GLIS3: variants seen among roughly 807,000 people sequenced by gnomAD.
The protein encoded by GLIS3 is GLIS family zinc finger 3.
GLIS3 carries 53 observed loss-of-function variants against 78.6 expected under a neutral mutation model. The ratio of observed to expected loss-of-function variants is 0.67; its 90% CI spans 0.54 to 0.85. The LOEUF (loss-of-function observed/expected upper bound fraction) is 0.85. Ranked by LOEUF, GLIS3 falls within the 40% of genes least tolerant of loss-of-function variation. The pLI is 0.00. For missense variants in GLIS3, 1,703 were observed against 1,231.1 expected (o/e 1.38, Z -5.74); for synonymous variants, 684 against 509.9 (o/e 1.34, Z -4.60).
chr9:4,361,775 G>C, the GLIS3 span, among the ~76,000 whole-genome samples: 19 of 152,256 alleles, frequency 1.2e-4, no homozygotes, highest in Middle Eastern at 3.4e-3. Context: ...GTTGTAACAT[G>C]ATCATTTTAT....
chr9:4,132,061 A>C (rs544376882), intron 2 of GLIS3, among the ~76,000 whole-genome samples: 18 of 151,992 alleles, frequency 1.2e-4, no homozygotes, highest in South Asian at 1.0e-3. Context: ...AAAAAAAAAA[A>C]AAAACAAAAA....
chr9:3,891,282 T>C (rs1319882512), intron 7 of GLIS3, among the ~76,000 whole-genome samples: 1 of 152,202 alleles, frequency 6.6e-6, no homozygotes, highest in Non-Finnish European at 1.5e-5. Flanking sequence ...CAGCAGTTGA[T>C]CGCACTAAGA....
At chr9:4,204,785 G>A (rs1819714102) in intron 2 of GLIS3, among the ~76,000 whole-genome samples, 1 of 151,276 alleles carries the variant, frequency 6.6e-6, no homozygotes, top group Admixed American at 6.6e-5. Flanking sequence ...GTGGTGGCAG[G>A]CACCTGTAAT....
intron 1 of GLIS3, among the ~76,000 whole-genome samples, chr9:4,296,495 G>C (rs1347212452): frequency 6.6e-6 from 1 of 152,092 alleles, no homozygotes; most frequent in East Asian, 1.9e-4. Flanking sequence ...CCCCAATAAA[G>C]ATTGCCTTTC....
the GLIS3 span, among the ~76,000 whole-genome samples, chr9:4,472,697 G>A: frequency 6.6e-6 from 1 of 151,996 alleles, no homozygotes; most frequent in Non-Finnish European, 1.5e-5. Flanking sequence ...CATGGCACAT[G>A]TACACCTATG....
In GLIS3 at chr9:4,243,908, G is replaced by C. The variant is rs186349592; in HGVS notation, c.388+42130C>G. On this transcript the variant is annotated intron_variant, in intron 2 of 10. Coordinates refer to ENST00000381971, the MANE Select transcript of GLIS3 (RefSeq NM_001042413.2). The stretch of plus-strand genomic sequence containing the variant: ...GAGGTGGAGCTTAGAAGAGGATGTG[G>C]AATAGAGCAGGGTCTACATGACTAT... 2.2e-4 allele frequency among the ~76,000 whole-genome samples: 33 copies of C among 152,340 alleles called. 1 individual carries two copies. The highest frequency in any genetic ancestry group is 7.5e-4 in the African/African-American group (31 of 41,580).
At chr9:4,294,639 TCTACA>T (rs1338219793) in intron 1 of GLIS3, among the ~76,000 whole-genome samples, 2 of 152,250 alleles carry the variant, frequency 1.3e-5, no homozygotes, top group Non-Finnish European at 2.9e-5. Flanking sequence ...TTCATAACTT[TCTACA>T]CTACATTACA....
chr9:4,165,938 C>G (rs1245917052), intron 2 of GLIS3, among the ~76,000 whole-genome samples: 2 of 152,186 alleles, frequency 1.3e-5, no homozygotes, highest in Non-Finnish European at 2.9e-5. Context: ...GAAAGTACTA[C>G]TGTGCTTGCA....
chr9:3,873,195 A>C (rs149369372), intron 8 of GLIS3, among the ~76,000 whole-genome samples: 130 of 152,356 alleles, frequency 8.5e-4, no homozygotes, highest in African/African-American at 3.0e-3. Context: ...ACTATTCCAA[A>C]AAATTGAAGA....
the GLIS3 span, among the ~76,000 whole-genome samples, chr9:4,378,487 A>C: frequency 6.6e-6 from 1 of 152,168 alleles, no homozygotes; most frequent in Admixed American, 6.5e-5. Flanking sequence ...CAGGAAGAGA[A>C]GGCCTTAAAA....
intron 4 of GLIS3, among the ~76,000 whole-genome samples, chr9:3,963,415 C>T (rs1258392602): frequency 6.6e-6 from 1 of 152,136 alleles, no homozygotes; most frequent in Non-Finnish European, 1.5e-5. Flanking sequence ...TGGAGATGTG[C>T]CGCTTGTTCT....
At chr9:4,120,879 G>T (rs1832123911) in intron 3 of GLIS3, among the ~76,000 whole-genome samples, 1 of 152,124 alleles carries the variant, frequency 6.6e-6, no homozygotes, top group Non-Finnish European at 1.5e-5. Context: ...TGTATTATTT[G>T]GTTTCAGGGC....
the GLIS3 span, among the ~76,000 whole-genome samples, chr9:4,385,694 GAAAGAAAC>G: frequency 9.3e-6 from 1 of 107,942 alleles, no homozygotes; most frequent in African/African-American, 4.0e-5. Flanking sequence ...AAAAAAGAAA[GAAAGAAAC>G]AAAGAAAGGA....
intron 4 of GLIS3, among the ~76,000 whole-genome samples, chr9:4,011,455 T>A (rs1463513997): frequency 6.6e-6 from 1 of 152,172 alleles, no homozygotes; most frequent in African/African-American, 2.4e-5. Context: ...GTGTCTTAGG[T>A]CCTATTAGCA....
At chr9:4,134,385 C>A (rs1436104746) in intron 2 of GLIS3, among the ~76,000 whole-genome samples, 1 of 152,092 alleles carries the variant, frequency 6.6e-6, no homozygotes, top group Non-Finnish European at 1.5e-5. Context: ...GCAAATAAGT[C>A]CCAGATGCTA....
At chr9:3,894,696 T>C (rs16919905) in intron 7 of GLIS3, among the ~76,000 whole-genome samples, 6,538 of 139,994 alleles carry the variant, frequency 0.047, 492 homozygotes, top group African/African-American at 0.16. Context: ...TACATTTCCC[T>C]ATATTATCTG....
intron 2 of GLIS3, among the ~76,000 whole-genome samples, chr9:4,137,856 CAA>C (rs757786661): frequency 1.3e-5 from 2 of 152,138 alleles, no homozygotes; most frequent in Admixed American, 1.3e-4. Context: ...CCTGGAAAAC[CAA>C]AGAGGAAATG....
rs60986898 is a variant in GLIS3 at position 3,987,761 on chromosome 9, C to CAAAA, written c.1711-50576_1711-50573dup. 2.9e-4 allele frequency among the ~76,000 whole-genome samples: 3 copies of CAAAA among 10,462 alleles called. 1 individual carries two copies. The highest frequency in any genetic ancestry group is 5.2e-4 in the Non-Finnish European group (3 of 5,814). 6.9% of individuals were successfully genotyped at this position (10,462 alleles called of 152,430 possible). On this transcript the variant is annotated intron_variant, in intron 4 of 10. Transcript: ENST00000381971. ...ATGGCTGAAAACTCCCTGGATTTGG[C>CAAAA]AAAAAAAAAAAAAAAAAAAAAAAAA...
intron 4 of GLIS3, among the ~76,000 whole-genome samples, chr9:4,049,262 G>A (rs1020112184): frequency 6.6e-6 from 1 of 152,166 alleles, no homozygotes; most frequent in African/African-American, 2.4e-5. Flanking sequence ...ATACTGGTTG[G>A]TAAATAACCT....
Sources: gnomAD v4.1 joint callset for allele counts (sites outside exome capture counted in the v4.1 genomes callset) on GRCh38, gnomAD v4.1.1 for gene constraint, MANE v1.5 for transcripts, NCBI Gene and HGNC (gene_info 2026-07-23, HGNC 2026-07-21) for gene names.